The following KHDRBS2 variants were observed in gnomAD, a reference collection of about 807,000 sequenced individuals.
The protein encoded by KHDRBS2 is KH domain-containing, RNA-binding, signal transduction-associated protein 2.
KHDRBS2 carries 26 observed loss-of-function variants against 44.3 expected under a neutral mutation model. That is an observed-to-expected ratio of 0.59 (90% CI 0.43 to 0.81). The LOEUF is 0.81. Ranked by LOEUF, KHDRBS2 falls within the 40% of genes least tolerant of loss-of-function variation. The pLI, the probability that KHDRBS2 is intolerant of heterozygous loss-of-function variation, is 0.00. For synonymous variants in KHDRBS2, 194 were observed against 151.1 expected, an observed-to-expected ratio of 1.28 and a Z score of -2.08; for missense variants, 476 against 433.1, an observed-to-expected ratio of 1.10 and a Z score of -0.88.
intron 2 of KHDRBS2, among the ~76,000 whole-genome samples, chr6:62,054,311 T>C (rs1789772167): frequency 6.6e-6 from 1 of 152,024 alleles, no homozygotes; most frequent in Non-Finnish European, 1.5e-5. Context: ...GTATGAAGCA[T>C]CCAGTCCTGG....
intron 5 of KHDRBS2, among the ~76,000 whole-genome samples, chr6:61,900,979 G>A (rs544853434): frequency 6.5e-4 from 99 of 152,180 alleles, no homozygotes; most frequent in African/African-American, 2.3e-3. Flanking sequence ...GACTGTCTAC[G>A]TGACCCCAGG....
In KHDRBS2 at chr6:62,254,763, G is replaced by A. The variant is rs1213076563; in HGVS notation, c.91+31095C>T. 3.3e-5 allele frequency among the ~76,000 whole-genome samples: 5 copies of A among 152,000 alleles called. No homozygotes were observed. In the South Asian group the frequency reaches 6.2e-4, roughly 19 times the overall value. ...TAGGACACTGGATTTCATTCTAACT[G>A]CAACAAGCAGTTCGAGCTTGGAGAA... On this transcript the variant is annotated intron_variant, in intron 1 of 8. Transcript: ENST00000281156.
the KHDRBS2 span, among the ~76,000 whole-genome samples, chr6:61,668,988 AT>A: frequency 6.6e-6 from 1 of 150,762 alleles, no homozygotes; most frequent in Non-Finnish European, 1.5e-5. Flanking sequence ...ATTTATTTTC[AT>A]TTTTCATGGA....
chr6:61,699,696 G>T (rs1216805676), intron 7 of KHDRBS2, among the ~76,000 whole-genome samples: 3 of 151,902 alleles, frequency 2.0e-5, no homozygotes, highest in Non-Finnish European at 4.4e-5. Context: ...AGCAGAAAAA[G>T]AAAAGAAAAG....
chr6:61,897,120 T>C (rs1803063502), intron 5 of KHDRBS2, among the ~76,000 whole-genome samples: 1 of 152,184 alleles, frequency 6.6e-6, no homozygotes, highest in Non-Finnish European at 1.5e-5. Flanking sequence ...TCTTGGCTTG[T>C]GTTCCTTATA....
At chr6:62,207,334 A>G (rs1244121376) in intron 1 of KHDRBS2, among the ~76,000 whole-genome samples, 1 of 152,146 alleles carries the variant, frequency 6.6e-6, no homozygotes, top group Non-Finnish European at 1.5e-5. Context: ...AGTATGTATT[A>G]TCAATGTCTG....
At chr6:62,032,630 A>C (rs1784563634) in intron 3 of KHDRBS2, among the ~76,000 whole-genome samples, 1 of 151,802 alleles carries the variant, frequency 6.6e-6, no homozygotes, top group Non-Finnish European at 1.5e-5. Context: ...TACCTCTATG[A>C]GTCTGCAAGA....
intron 2 of KHDRBS2, among the ~76,000 whole-genome samples, chr6:62,108,681 A>G (rs1804175729): frequency 6.6e-6 from 1 of 152,238 alleles, no homozygotes; most frequent in Admixed American, 6.5e-5. Context: ...ACAATAGCAA[A>G]GACTTGGAAC....
chr6:62,279,025 C>A (rs1346974820), intron 1 of KHDRBS2, among the ~76,000 whole-genome samples: 1 of 151,990 alleles, frequency 6.6e-6, no homozygotes, highest in Non-Finnish European at 1.5e-5. Flanking sequence ...ACCCGGGAGG[C>A]GGAGCTTGCA....
At chr6:62,070,845 G>C (rs569043870) in intron 2 of KHDRBS2, among the ~76,000 whole-genome samples, 1 of 152,100 alleles carries the variant, frequency 6.6e-6, no homozygotes, top group Admixed American at 6.6e-5. Flanking sequence ...AATCCTCTGG[G>C]TATATACCCA....
At chr6:61,751,852 T>C (rs1171838554) in intron 6 of KHDRBS2, among the ~76,000 whole-genome samples, 1 of 152,104 alleles carries the variant, frequency 6.6e-6, no homozygotes, top group East Asian at 1.9e-4. Context: ...CACAGCTTGT[T>C]TGATTTCTTC....
intron 2 of KHDRBS2, among the ~76,000 whole-genome samples, chr6:62,109,659 C>G (rs1437541103): frequency 1.3e-5 from 2 of 151,308 alleles, no homozygotes; most frequent in Non-Finnish European, 3.0e-5. Flanking sequence ...AATTAAAATA[C>G]CAGTTACAAT....
At chr6:61,773,705 T>G (rs973902822) in intron 6 of KHDRBS2, among the ~76,000 whole-genome samples, 9 of 151,890 alleles carry the variant, frequency 5.9e-5, no homozygotes, top group Non-Finnish European at 1.0e-4. Context: ...GTTGTAGACA[T>G]GAAGTCCTTG....
intron 6 of KHDRBS2, among the ~76,000 whole-genome samples, chr6:61,776,636 C>A (rs529196641): frequency 1.3e-5 from 2 of 152,256 alleles, no homozygotes; most frequent in South Asian, 2.1e-4. Context: ...AGTCAGGAAA[C>A]AACAGGTGCT....
intron 1 of KHDRBS2, among the ~76,000 whole-genome samples, chr6:62,183,389 T>C (rs1319552191): frequency 2.0e-5 from 3 of 151,654 alleles, no homozygotes; most frequent in Non-Finnish European, 1.5e-5. Flanking sequence ...AAACACAACA[T>C]AGAGCTATAT....
chr6:61,731,619 ACTT>A (rs2127560408), intron 7 of KHDRBS2, among the ~76,000 whole-genome samples: 1 of 152,188 alleles, frequency 6.6e-6, no homozygotes, highest in African/African-American at 2.4e-5. Context: ...CTCAAATATT[ACTT>A]AAGTCCTAAA....
chr6:62,178,926 T>G (rs191663917), intron 1 of KHDRBS2, among the ~76,000 whole-genome samples: 1 of 151,678 alleles, frequency 6.6e-6, no homozygotes, highest in Admixed American at 6.6e-5. Context: ...ATGTTTCATA[T>G]AAATTTATTT....
the KHDRBS2 span, among the ~76,000 whole-genome samples, chr6:61,612,806 G>A: frequency 2.1e-4 from 31 of 148,442 alleles, no homozygotes; most frequent in African/African-American, 7.0e-4. Context: ...CTTCTCCATA[G>A]GCAAAGTAGT....
intron 3 of KHDRBS2, among the ~76,000 whole-genome samples, chr6:61,993,667 ATATATATTT>A (rs1164259149): frequency 9.7e-5 from 12 of 123,090 alleles, no homozygotes; most frequent in African/African-American, 3.2e-4. Flanking sequence ...ATATATATAT[ATATATATTT>A]TTTTTTTTTG....
Sources: gnomAD v4.1 joint callset for allele counts (sites outside exome capture counted in the v4.1 genomes callset) on GRCh38, gnomAD v4.1.1 for gene constraint, MANE v1.5 for transcripts, NCBI Gene and HGNC (gene_info 2026-07-23, HGNC 2026-07-21) for gene names.